Variants in KCNA2 observed in about 807,000 individuals in gnomAD.
KCNA2 encodes potassium voltage-gated channel subfamily A member 2, also known as potassium channel, voltage gated shaker related subfamily A, member 2.
Under a neutral mutation model 33.4 loss-of-function variants are expected in KCNA2, and 11 were observed. The ratio of observed to expected loss-of-function variants is 0.33; its 90% CI spans 0.21 to 0.55. The LOEUF is 0.55. Ranked by LOEUF, KCNA2 falls within the 20% of genes least tolerant of loss-of-function variation. The pLI is 0.93. For missense variants in KCNA2, 291 were observed against 621.6 expected (o/e 0.47, Z 5.66); for synonymous variants, 222 against 231.3 (o/e 0.96, Z 0.37).
intron 1 of KCNA2, among the ~76,000 whole-genome samples, chr1:110,622,515 T>G (rs1347045803): frequency 1.3e-5 from 2 of 152,012 alleles, no homozygotes; most frequent in African/African-American, 2.4e-5. Context: ...GGAAAAGAAA[T>G]AAATGGCATC....
intron 1 of KCNA2, among the ~76,000 whole-genome samples, chr1:110,621,546 A>G (rs1650259318): frequency 6.6e-6 from 1 of 152,222 alleles, no homozygotes; most frequent in Non-Finnish European, 1.5e-5. Context: ...GATAAAATCA[A>G]TGAAATCAAA....
Position 110,602,099 on chromosome 1 carries a change from G to C in KCNA2, c.*1184C>G. On this transcript the variant is annotated 3_prime_UTR_variant, in exon 3 of 3. Coordinates refer to ENST00000316361, the MANE Select transcript of KCNA2 (RefSeq NM_004974.4). ...TGCCCGCGACTAGGTTAATTCCTAA[G>C]GTGCAGTCATGTGAGGTGTTCAGAT... 1 of 1,550,546 alleles carries C rather than the reference G, an allele frequency of 6.4e-7. No homozygotes were observed. The highest frequency in any genetic ancestry group is 8.7e-7 in the Non-Finnish European group (1 of 1,146,994).
intron 1 of KCNA2, among the ~76,000 whole-genome samples, chr1:110,615,715 C>G (rs1264195426): frequency 6.6e-6 from 1 of 152,212 alleles, no homozygotes; most frequent in Non-Finnish European, 1.5e-5. Flanking sequence ...ATCATCCTGG[C>G]ATTCCTGGTG....
At chr1:110,614,948 T>C (rs1650000927) in intron 1 of KCNA2, among the ~76,000 whole-genome samples, 1 of 152,250 alleles carries the variant, frequency 6.6e-6, no homozygotes, top group Non-Finnish European at 1.5e-5. Context: ...CTTTCAAAGA[T>C]GCCAAATCAT....
intron 1 of KCNA2, among the ~76,000 whole-genome samples, chr1:110,611,450 A>G (rs1367021619): frequency 6.6e-6 from 1 of 152,220 alleles, no homozygotes. Context: ...ATGTTCTTTT[A>G]TTACAAGGTG....
upstream of KCNA2, chr1:110,607,348 G>A (rs1488569599): frequency 6.6e-6 from 1 of 150,894 alleles, no homozygotes; most frequent in Admixed American, 6.6e-5. Context: ...GCGGCCAGCC[G>A]GGAGCCGGCT....
chr1:110,631,226 C>A (rs551973536), intron 1 of KCNA2, among the ~76,000 whole-genome samples: 7 of 152,278 alleles, frequency 4.6e-5, no homozygotes, highest in African/African-American at 1.7e-4. Flanking sequence ...GTGTCAAATC[C>A]CTTGTCTGGC....
chr1:110,626,510 G>T (rs1270391777), intron 1 of KCNA2, among the ~76,000 whole-genome samples: 1 of 151,842 alleles, frequency 6.6e-6, no homozygotes, highest in African/African-American at 2.4e-5. Context: ...TGGACAGGGC[G>T]GAGTGAGAAT....
At chr1:110,623,234 G>A (rs1313665356) in intron 1 of KCNA2, among the ~76,000 whole-genome samples, 2 of 152,088 alleles carry the variant, frequency 1.3e-5, no homozygotes, top group South Asian at 2.1e-4. Flanking sequence ...AATGGCGCTC[G>A]AACAACTGAA....
rs1649068300 is a variant in KCNA2 at position 110,595,727 on chromosome 1, C to A, written c.*7556G>T. 15 of 985,246 alleles carry A rather than the reference C, an allele frequency of 1.5e-5. No homozygotes were observed. Among genetic ancestry groups the A allele is most frequent in the Non-Finnish European group, 1.8e-5 (15 of 829,938 alleles). 61.0% of individuals were successfully genotyped at this position (985,246 alleles called of 1,614,324 possible). A position where few individuals can be genotyped will look rare whatever the true frequency, so the allele number is the denominator to read the frequency against. ...ATTTCAGCTGCTCTAATACCCACAC[C>A]CTCAACTTAGGTTTAGTCATAATAA... On this transcript the variant is annotated 3_prime_UTR_variant, in exon 3 of 3. Transcript: ENST00000316361.
intron 1 of KCNA2, among the ~76,000 whole-genome samples, chr1:110,611,863 A>C (rs1649885194): frequency 1.3e-5 from 2 of 152,024 alleles, no homozygotes; most frequent in Admixed American, 1.3e-4. Context: ...TCTCTACAAA[A>C]AATACAAAAA....
In KCNA2 at chr1:110,604,975, G is replaced by A; in HGVS notation, c.-163-30C>T. On this transcript the variant is annotated intron_variant, in intron 2 of 2. Coordinates refer to ENST00000316361, the MANE Select transcript of KCNA2 (RefSeq NM_004974.4). The surrounding 1 kb of genome is among the most constrained non-coding windows in gnomAD (Gnocchi z 7.6). ...AAGACAGAGGCAGTTATTGACATGA[G>A]GCTACTCAGCATTGGCAGCCTGACC... 1 of 593,672 alleles carries A rather than the reference G, an allele frequency of 1.7e-6. No homozygotes were observed. Among genetic ancestry groups the A allele is most frequent in the Non-Finnish European group, 2.9e-6 (1 of 339,570 alleles). The allele number at this position is 593,672 out of a possible 1,614,324, so 36.8% of individuals were successfully genotyped here.
In KCNA2 at chr1:110,597,222, C is replaced by A. The variant is rs535905742; in HGVS notation, c.*6061G>T. The A allele has an allele frequency of 2.0e-6, 2 of 985,472 alleles. No individual in the cohort carries two copies. The highest frequency in any genetic ancestry group is 2.3e-4 in the East Asian group (2 of 8,822). 61.0% of individuals were successfully genotyped at this position (985,472 alleles called of 1,614,324 possible). On this transcript the variant is annotated 3_prime_UTR_variant, in exon 3 of 3. Transcript: ENST00000316361. Reference sequence around the variant, plus strand: ...AAACCTCCAGGCCACATTCCCTCAGCATCCGTCTCCCTGGGGAAGGGAGAA... The same window carrying A: ...AAACCTCCAGGCCACATTCCCTCAGAATCCGTCTCCCTGGGGAAGGGAGAA...
In KCNA2 at chr1:110,602,772, ACAGAAAGTAATTC is replaced by A; in HGVS notation, c.*498_*510del. ...CAATTCACAAACTCCAGCCTGTGAC[ACAGAAAGTAATTC>A]CAACACACAGGACTGTGTGTTCTTT... On this transcript the variant is annotated 3_prime_UTR_variant, in exon 3 of 3. Transcript: ENST00000316361. 1.0e-6 allele frequency: 1 copy of A among 992,184 alleles called. No individual in the cohort carries two copies. The highest frequency in any genetic ancestry group is 1.2e-6 in the Non-Finnish European group (1 of 834,406). 61.5% of individuals were successfully genotyped at this position (992,184 alleles called of 1,614,324 possible).
rs1649242789 is a variant in KCNA2, at chr1:110,599,456, G to A, written c.*3827C>T. ...TTGGATGGGAGGCAGGGCATCCAGGGGAGCCCAACAAGAGGAAAAGGAAGA... is the reference window on the plus strand; with the variant it reads ...TTGGATGGGAGGCAGGGCATCCAGGAGAGCCCAACAAGAGGAAAAGGAAGA... On this transcript the variant is annotated 3_prime_UTR_variant, in exon 3 of 3. Coordinates refer to ENST00000316361, the MANE Select transcript of KCNA2 (RefSeq NM_004974.4). 1.0e-6 allele frequency: 1 copy of A among 985,412 alleles called. No individual in the cohort carries two copies. The highest frequency in any genetic ancestry group is 1.2e-6 in the Non-Finnish European group (1 of 829,938). The allele number at this position is 985,412 out of a possible 1,614,324, so 61.0% of individuals were successfully genotyped here.
rs1313231897 is a variant in KCNA2 at position 110,604,642 on chromosome 1, C to A, written c.141G>T (p.Gln47His). 6.2e-7 allele frequency: 1 copy of A among 1,614,082 alleles called. No individual in the cohort carries two copies. Among genetic ancestry groups the A allele is most frequent in the Admixed American group, 1.7e-5 (1 of 60,008 alleles). ...INISGLRFET[Q>H]LKTLAQFPET... ...CTGGAAACTGGGCTAAGGTCTTTAG[C>A]TGGGTCTCAAACCGCAGCCCTGAGA... is the stretch of plus-strand genomic sequence containing the variant. Residue 47 changes from glutamine to histidine, a missense_variant, in exon 3 of 3, where the codon CAG becomes CAT. Physicochemically the swap from Gln to His is conservative, Grantham distance 24 (BLOSUM62 0). Around this residue, in one of 5 missense-constraint regions of KCNA2, gnomAD observed 163 missense variants for 273.5 expected, o/e 0.60. Transcript: ENST00000316361. The surrounding 1 kb of genome is among the most constrained non-coding windows in gnomAD (Gnocchi z 7.6).
chr1:110,597,597 TC>T lies in KCNA2; in HGVS notation c.*5685del, dbSNP rs1185840163. On this transcript the variant is annotated 3_prime_UTR_variant, in exon 3 of 3. Transcript: ENST00000316361. ...CATACACTGCATCTTAGCATATGTG[TC>T]CATTCCAGAAGGAGGTCAGATCTCA... 1.0e-6 allele frequency: 1 copy of T among 985,276 alleles called. No homozygotes were observed. Among genetic ancestry groups the T allele is most frequent in the East Asian group, 1.1e-4 (1 of 8,804 alleles). 61.0% of individuals were successfully genotyped at this position (985,276 alleles called of 1,614,324 possible).
Position 110,600,963 on chromosome 1 carries a change from C to T in KCNA2, c.*2320G>A. ...GAGCCACCCCTGCATAGCCCGACCCCTGCAATTCACTGTTTGGGAAAATTA... is the reference window on the plus strand; with the variant it reads ...GAGCCACCCCTGCATAGCCCGACCCTTGCAATTCACTGTTTGGGAAAATTA... On this transcript the variant is annotated 3_prime_UTR_variant, in exon 3 of 3. Coordinates refer to ENST00000316361, the MANE Select transcript of KCNA2 (RefSeq NM_004974.4). The T allele has an allele frequency of 1.0e-6, 1 of 985,482 alleles. No individual in the cohort carries two copies. The highest frequency in any genetic ancestry group is 1.2e-6 in the Non-Finnish European group (1 of 829,984). 61.0% of individuals were successfully genotyped at this position (985,482 alleles called of 1,614,324 possible).
At chr1:110,624,017 G>A (rs187050853) in intron 1 of KCNA2, among the ~76,000 whole-genome samples, 20 of 152,208 alleles carry the variant, frequency 1.3e-4, no homozygotes, top group Middle Eastern at 3.4e-3. Context: ...TGAGAATAGG[G>A]AGAAATTGAA....
Sources: gnomAD v4.1 joint callset for allele counts (sites outside exome capture counted in the v4.1 genomes callset) on GRCh38, gnomAD v4.1.1 for gene constraint, gnomAD v4.1.1 regional missense constraint, Gnocchi (gnomAD v3.1) non-coding constraint, MANE v1.5 for transcripts, NCBI Gene and HGNC (gene_info 2026-07-23, HGNC 2026-07-21) for gene names.